Variants in PRKN observed in about 807,000 individuals in gnomAD.
PRKN encodes parkin RBR E3 ubiquitin protein ligase.
In PRKN, 56 loss-of-function variants were observed where a neutral mutation model predicts 59.5. That is an observed-to-expected ratio of 0.94 (90% CI 0.76 to 1.18). PRKN has a LOEUF of 1.18. Among genes scored for constraint, PRKN ranks in the 50% most tolerant of loss-of-function variants. PRKN has a pLI of 0.00. For synonymous variants in PRKN, 250 were observed against 222.1 expected (o/e 1.13, Z -1.12); for missense variants, 657 against 596.4 (o/e 1.10, Z -1.06).
chr6:161,746,684 CTATA>C (rs1321388299), intron 7 of PRKN, among the ~76,000 whole-genome samples: 1 of 141,134 alleles, frequency 7.1e-6, no homozygotes, highest in Non-Finnish European at 1.5e-5. Flanking sequence ...ATAGATATAT[CTATA>C]TAGGTATATG....
Position 161,462,143 on chromosome 6 carries a change from T to G in PRKN, c.1084-75266A>C, listed in dbSNP as rs929647250. On this transcript the variant is annotated intron_variant, in intron 9 of 11. Transcript: ENST00000366898. The surrounding 1 kb of genome is among the most constrained non-coding windows in gnomAD (Gnocchi z 4.5). ...ACTCACTACGGTAGGGACCTACACA[T>G]GCTTTGTCTCATCCTTTTCATCTTT... 6.6e-6 allele frequency among the ~76,000 whole-genome samples: 1 copy of G among 152,226 alleles called. No homozygotes were observed. Among genetic ancestry groups the G allele is most frequent in the Non-Finnish European group, 1.5e-5 (1 of 68,044 alleles).
chr6:162,727,568 G>A, intron 1 of PRKN, 94 bp downstream of exon 1: 1 of 1,329,680 alleles, frequency 7.5e-7, no homozygotes, highest in Non-Finnish European at 1.1e-6. Context: ...TTGACAGTTG[G>A]CACCGGGGGT....
chr6:162,600,012 C>T (rs1164584493), intron 1 of PRKN, among the ~76,000 whole-genome samples: 1 of 152,112 alleles, frequency 6.6e-6, no homozygotes, highest in Non-Finnish European at 1.5e-5. Flanking sequence ...TTATGTACAG[C>T]AAAATGTACA....
chr6:161,971,226 C>T (rs890030858), intron 6 of PRKN, among the ~76,000 whole-genome samples: 2 of 152,170 alleles, frequency 1.3e-5, no homozygotes, highest in Non-Finnish European at 2.9e-5. Flanking sequence ...TCATTCTCTT[C>T]GAAAGATGTT....
chr6:161,535,478 G>A (rs969730628), intron 9 of PRKN, among the ~76,000 whole-genome samples: 6 of 152,174 alleles, frequency 3.9e-5, no homozygotes, highest in South Asian at 4.1e-4. Flanking sequence ...AGACAGAAAA[G>A]ACACCAGATG....
At chr6:161,601,577 T>C (rs73019451) in intron 7 of PRKN, among the ~76,000 whole-genome samples, 2,868 of 151,614 alleles carry the variant, frequency 0.019, 40 homozygotes, top group Non-Finnish European at 0.025. Context: ...AAATGTCTAA[T>C]ATAGTGGATT....
At chr6:161,823,360 C>A (rs1792114311) in intron 6 of PRKN, among the ~76,000 whole-genome samples, 1 of 152,000 alleles carries the variant, frequency 6.6e-6, no homozygotes, top group Admixed American at 6.6e-5. Flanking sequence ...CTTAATAATT[C>A]ATTATCATAT....
chr6:161,818,664 T>C (rs1487113175), intron 6 of PRKN, among the ~76,000 whole-genome samples: 1 of 152,006 alleles, frequency 6.6e-6, no homozygotes, highest in African/African-American at 2.4e-5. Flanking sequence ...TTTAGCAAGT[T>C]TGGAAAGGTT....
chr6:162,336,134 C>T (rs1464991148), intron 2 of PRKN, among the ~76,000 whole-genome samples: 2 of 152,052 alleles, frequency 1.3e-5, no homozygotes, highest in Non-Finnish European at 2.9e-5. Context: ...TGAGAGGTTT[C>T]CATAACACTT....
intron 2 of PRKN, among the ~76,000 whole-genome samples, chr6:162,409,620 C>A (rs539736989): frequency 4.6e-5 from 7 of 152,142 alleles, no homozygotes; most frequent in African/African-American, 1.2e-4. Flanking sequence ...ATAACACTAA[C>A]GTATTCAGTA....
chr6:162,633,161 G>A (rs533767963), intron 1 of PRKN, among the ~76,000 whole-genome samples: 2 of 151,778 alleles, frequency 1.3e-5, no homozygotes, highest in African/African-American at 4.8e-5. Context: ...TAGGCCGGGT[G>A]CGGTGGCTCA....
At position 161,924,937 on chromosome 6, in the gene PRKN, G is replaced by A. The variant is rs11970298; in HGVS notation, c.734+48365C>T. Among the ~76,000 whole-genome samples, 585 of 152,290 alleles carry A rather than the reference G, an allele frequency of 3.8e-3. 5 individuals are homozygous for A. The highest frequency in any genetic ancestry group is 0.013 in the African/African-American group (560 of 41,560). On this transcript the variant is annotated intron_variant, in intron 6 of 11. Transcript: ENST00000366898. Reference sequence around the variant, plus strand: ...GAGTCCCTCCACAAACAAGAACCACGGCTGCCCGTGGGGAGGCTGGGAACA... The same window carrying A: ...GAGTCCCTCCACAAACAAGAACCACAGCTGCCCGTGGGGAGGCTGGGAACA...
chr6:162,058,399 T>C (rs1239390984), intron 4 of PRKN, among the ~76,000 whole-genome samples: 2 of 152,180 alleles, frequency 1.3e-5, no homozygotes, highest in Non-Finnish European at 2.9e-5. Context: ...GTAGGTCATC[T>C]CGCCTCCAGG....
intron 4 of PRKN, among the ~76,000 whole-genome samples, chr6:162,121,286 G>T (rs756545289): frequency 6.6e-6 from 1 of 152,024 alleles, no homozygotes; most frequent in African/African-American, 2.4e-5. Flanking sequence ...ATGCCAACCC[G>T]TGGAAAATAA....
chr6:161,380,790 T>C (rs986697792), intron 10 of PRKN, among the ~76,000 whole-genome samples: 23 of 152,154 alleles, frequency 1.5e-4, no homozygotes, highest in African/African-American at 5.1e-4. Flanking sequence ...AATAAAGATA[T>C]TTAACAAAAA....
chr6:162,594,663 C>T (rs373225467), intron 1 of PRKN, among the ~76,000 whole-genome samples: 1 of 151,466 alleles, frequency 6.6e-6, no homozygotes, highest in Admixed American at 6.6e-5. Context: ...ATGAATATGT[C>T]ATCCAAGTTC....
chr6:162,443,414 T>C lies in PRKN; in HGVS notation c.67A>G (p.Ile23Val). The change falls in exon 2 of 12, where the codon ATC (isoleucine) becomes GTC (valine). Residue 23 changes from isoleucine to valine, a missense_variant. Ile to Val is a conservative substitution (Grantham distance 29, BLOSUM62 3). Coordinates refer to ENST00000366898, the MANE Select transcript of PRKN (RefSeq NM_004562.3). ...FPVEVDSDTS[I>V]FQLKEVVAKR... ...GCAACCACCTCCTTGAGCTGGAAGA[T>C]GCTGGTGTCAGAATCGACCTCCACT... The C allele has an allele frequency of 6.2e-7, 1 of 1,614,048 alleles. No homozygotes were observed. Among genetic ancestry groups the C allele is most frequent in the South Asian group, 1.1e-5 (1 of 91,078 alleles).
chr6:162,363,145 A>C (rs1415647253), intron 2 of PRKN, among the ~76,000 whole-genome samples: 5 of 151,468 alleles, frequency 3.3e-5, no homozygotes, highest in African/African-American at 1.2e-4. Context: ...AAAAAAAAAA[A>C]AAAAAAAAAA....
At chr6:161,838,853 G>A (rs1792867645) in intron 6 of PRKN, among the ~76,000 whole-genome samples, 1 of 152,156 alleles carries the variant, frequency 6.6e-6, no homozygotes, top group South Asian at 2.1e-4. Context: ...CAAGGACCGA[G>A]TTATAGGTCA....
Sources: allele counts gnomAD v4.1 joint callset (sites outside exome capture counted in the v4.1 genomes callset), GRCh38; gene constraint gnomAD v4.1.1; non-coding constraint Gnocchi (gnomAD v3.1); transcripts MANE v1.5; gene names NCBI Gene and HGNC (gene_info 2026-07-23, HGNC 2026-07-21).